PUDP: variants seen among roughly 807,000 people sequenced by gnomAD.
PUDP encodes the protein pseudouridine 5'-phosphatase.
In PUDP, 8 loss-of-function variants were observed where a neutral mutation model predicts 9.4. The observed-to-expected ratio is 0.85, with a 90% CI of 0.50 to 1.53. PUDP has a LOEUF of 1.53. Among genes scored for constraint, PUDP ranks in the 40% most tolerant of loss-of-function variants. The probability of loss-of-function intolerance (pLI) is 0.00; values close to 1 mark genes in which losing one functional copy is unlikely to be tolerated. For synonymous variants in PUDP, 99 were observed against 80.7 expected (o/e 1.23, Z -1.22); for missense variants, 188 against 189.7 (o/e 0.99, Z 0.05).
At chrX:7,124,479 G>A (rs1330762524) in intron 1 of PUDP, among the ~76,000 whole-genome samples, 1 of 111,330 alleles carries the variant, frequency 9.0e-6, no homozygotes, top group African/African-American at 3.3e-5. Context: ...GAGTCAAGAC[G>A]TGTGGGTGGC....
At chrX:6,841,818 C>G (rs1926675541) in intron 3 of PUDP, among the ~76,000 whole-genome samples, 2 of 111,066 alleles carry the variant, frequency 1.8e-5, no homozygotes, top group Admixed American at 9.6e-5. Flanking sequence ...CCAGAATCAA[C>G]TTTCTTTCTT....
At position 6,859,899 on chromosome X, in the gene PUDP, C is replaced by A. The variant is rs144981027; in HGVS notation, c.*247+117234G>T. ...ACTGACATGAATGATAACTCTGTTT[C>A]TCCTTTATGGGTTGGCCTCACATCA... On this transcript the variant is annotated intron_variant and NMD_transcript_variant, in intron 3 of 3. Transcript: ENST00000655425. Among the ~76,000 whole-genome samples, 1,045 of 112,267 alleles carry A rather than the reference C, an allele frequency of 9.3e-3. 13 individuals carry two copies. The highest frequency in any genetic ancestry group is 0.032 in the African/African-American group (990 of 30,930).
At chrX:7,109,236 G>A (rs1931970829) in intron 1 of PUDP, among the ~76,000 whole-genome samples, 1 of 112,152 alleles carries the variant, frequency 8.9e-6, no homozygotes, top group African/African-American at 3.2e-5. Context: ...AAAGAGCCAA[G>A]GCTCTCAGGG....
chrX:7,133,436 C>G (rs1420293056), intron 1 of PUDP, among the ~76,000 whole-genome samples: 1 of 112,032 alleles, frequency 8.9e-6, no homozygotes, highest in Non-Finnish European at 1.9e-5. Flanking sequence ...AGGAACTATC[C>G]GTGAAGCCAA....
intron 3 of PUDP, among the ~76,000 whole-genome samples, chrX:6,926,429 C>G (rs1177509814): frequency 8.9e-6 from 1 of 112,025 alleles, no homozygotes; most frequent in Non-Finnish European, 1.9e-5. Flanking sequence ...TAAATGGGAA[C>G]AGCAAAACTT....
At chrX:7,044,089 C>A (rs1231998132), downstream of PUDP, among the ~76,000 whole-genome samples, 1 of 112,096 alleles carries the variant, frequency 8.9e-6, no homozygotes, top group Non-Finnish European at 1.9e-5. Flanking sequence ...ATCACATAGG[C>A]ATGAAAAGTA....
chrX:7,121,724 G>C (rs1379802260), intron 1 of PUDP, among the ~76,000 whole-genome samples: 1 of 111,407 alleles, frequency 9.0e-6, no homozygotes, highest in African/African-American at 3.3e-5. Flanking sequence ...TTTCTAACTA[G>C]CATGCAGTGT....
At chrX:7,028,115 A>T (rs1929744502) in intron 1 of PUDP, among the ~76,000 whole-genome samples, 1 of 107,449 alleles carries the variant, frequency 9.3e-6, no homozygotes, top group Non-Finnish European at 1.9e-5. Flanking sequence ...CAGATAGACA[A>T]TATTATCATT....
At chrX:6,979,059 A>T (rs999551749) in intron 1 of PUDP, among the ~76,000 whole-genome samples, 1 of 111,184 alleles carries the variant, frequency 9.0e-6, no homozygotes, top group Admixed American at 9.6e-5. Context: ...CTCGATTAAA[A>T]TTATTTTAAT....
chrX:6,920,773 G>A (rs1004538581), intron 3 of PUDP, among the ~76,000 whole-genome samples: 4 of 111,538 alleles, frequency 3.6e-5, no homozygotes, highest in Non-Finnish European at 7.5e-5. Flanking sequence ...CGACCACCTT[G>A]GGCACACGTC....
At chrX:6,781,226 A>G (rs1256992070) in intron 3 of PUDP, among the ~76,000 whole-genome samples, 1 of 111,549 alleles carries the variant, frequency 9.0e-6, no homozygotes, top group African/African-American at 3.3e-5. Flanking sequence ...CCATGGCATG[A>G]CTTGGTGGTA....
chrX:6,741,858 T>TTCTG (rs1924943913), intron 3 of PUDP, among the ~76,000 whole-genome samples: 5 of 105,950 alleles, frequency 4.7e-5, no homozygotes, highest in African/African-American at 1.8e-4. Flanking sequence ...TTCTTTTTCT[T>TTCTG]TCTTTCTTTC....
chrX:6,952,695 A>T (rs1928574352), intron 3 of PUDP, among the ~76,000 whole-genome samples: 1 of 111,041 alleles, frequency 9.0e-6, no homozygotes, highest in Non-Finnish European at 1.9e-5. Flanking sequence ...AGCCCTCATG[A>T]ATGGGATTAA....
At chrX:7,146,735 T>A (rs1273230994) in intron 1 of PUDP, among the ~76,000 whole-genome samples, 1 of 110,748 alleles carries the variant, frequency 9.0e-6, no homozygotes, top group Non-Finnish European at 1.9e-5. Flanking sequence ...GAGCTCAACA[T>A]CATTTATATT....
intron 3 of PUDP, among the ~76,000 whole-genome samples, chrX:6,793,205 T>A (rs1401259688): frequency 8.9e-6 from 1 of 112,416 alleles, no homozygotes; most frequent in East Asian, 2.8e-4. Context: ...AATTGCGGTT[T>A]CTGTCATTGA....
intron 1 of PUDP, among the ~76,000 whole-genome samples, chrX:7,146,080 T>C (rs755392364): frequency 9.0e-6 from 1 of 111,274 alleles, no homozygotes; most frequent in East Asian, 2.8e-4. Context: ...TGCAAGGCCT[T>C]ACCACCTCAA....
intron 1 of PUDP, among the ~76,000 whole-genome samples, chrX:7,108,321 C>T: frequency 8.9e-6 from 1 of 112,240 alleles, no homozygotes; most frequent in East Asian, 2.8e-4. Context: ...GCTCACTGCA[C>T]TTGCCTGGGG....
chrX:6,734,714 G>A (rs965069399), intron 3 of PUDP, among the ~76,000 whole-genome samples: 6 of 111,639 alleles, frequency 5.4e-5, no homozygotes, highest in African/African-American at 1.3e-4. Flanking sequence ...GTGAGCCATG[G>A]TCACACCCTG....
chrX:7,054,409 C>CAA (rs386416556), intron 3 of PUDP, among the ~76,000 whole-genome samples: 18 of 83,988 alleles, frequency 2.1e-4, no homozygotes, highest in South Asian at 5.7e-4. Flanking sequence ...GACTCCGTCT[C>CAA]AAAAAAAAAA....
Sources: gnomAD v4.1 joint callset for allele counts (sites outside exome capture counted in the v4.1 genomes callset) on GRCh38, gnomAD v4.1.1 for gene constraint, MANE v1.5 for transcripts, NCBI Gene and HGNC (gene_info 2026-07-23, HGNC 2026-07-21) for gene names.